The following TMEM229B variants were observed in gnomAD, a reference collection of about 807,000 sequenced individuals.
TMEM229B encodes the protein transmembrane protein 229B.
In TMEM229B, 6 loss-of-function variants were observed where a neutral mutation model predicts 13.7. That is an observed-to-expected ratio of 0.44 (90% CI 0.24 to 0.86). The LOEUF (loss-of-function observed/expected upper bound fraction) is 0.86, where lower values mean the gene tolerates loss of function less well. Among genes scored for constraint, TMEM229B ranks in the 40% least tolerant of loss-of-function variants. The probability of loss-of-function intolerance (pLI) is 0.23; values close to 1 mark genes in which losing one functional copy is unlikely to be tolerated. For missense variants in TMEM229B, 170 were observed against 236.0 expected, an observed-to-expected ratio of 0.72 and a Z score of 1.83; for synonymous variants, 107 against 102.1, an observed-to-expected ratio of 1.05 and a Z score of -0.29.
chr14:67,524,315 A>G (rs1277201592), intron 1 of TMEM229B, among the ~76,000 whole-genome samples: 2 of 152,118 alleles, frequency 1.3e-5, no homozygotes, highest in Non-Finnish European at 2.9e-5. Flanking sequence ...CTGGACCCCA[A>G]TCCCTGTCGT....
chr14:67,526,364 G>A (rs978444499), intron 1 of TMEM229B, among the ~76,000 whole-genome samples: 2 of 152,242 alleles, frequency 1.3e-5, no homozygotes, highest in African/African-American at 4.8e-5. Flanking sequence ...AACATGGGTA[G>A]GTAAGATGCC....
chr14:67,526,680 G>A (rs2033372227), intron 1 of TMEM229B, among the ~76,000 whole-genome samples: 1 of 152,126 alleles, frequency 6.6e-6, no homozygotes, highest in Non-Finnish European at 1.5e-5. Flanking sequence ...GATCAGAAGG[G>A]AATGGATCTG....
chr14:67,500,136 C>G (rs2032544857), intron 1 of TMEM229B, among the ~76,000 whole-genome samples: 1 of 152,050 alleles, frequency 6.6e-6, no homozygotes, highest in African/African-American at 2.4e-5. Flanking sequence ...TGCACTCCAG[C>G]CTGGGCAACA....
chr14:67,473,698 G>T lies in TMEM229B; in HGVS notation c.226C>A (p.Arg76Ser). The change falls in exon 3 of 3, where the codon CGC becomes AGC. Residue 76 changes from arginine (R) to serine (S), a missense_variant. Around this residue, in one of 4 missense-constraint regions of TMEM229B, gnomAD observed 57 missense variants for 66.7 expected, o/e 0.85. Transcript: ENST00000554480. The surrounding 1 kb of genome is among the most constrained non-coding windows in gnomAD (Gnocchi z 6.5). ...RLRGRCPLLL[R>S]CLIYTLWTYL... The stretch of plus-strand genomic sequence containing the variant: ...GTCCAGAGCGTGTAGATGAGGCAGC[G>T]CAGGAGCAGCGGGCAGCGGCCGCGC... The T allele has an allele frequency of 6.3e-7, 1 of 1,592,124 alleles. No homozygotes were observed. Among genetic ancestry groups the T allele is most frequent in the Non-Finnish European group, 8.5e-7 (1 of 1,169,594 alleles).
At chr14:67,481,765 T>A (rs1609998) in intron 2 of TMEM229B, among the ~76,000 whole-genome samples, 1 of 151,792 alleles carries the variant, frequency 6.6e-6, no homozygotes, top group African/African-American at 2.4e-5. Context: ...ACTCCCTATA[T>A]CCTTAGGCTC....
chr14:67,473,219 C>T lies in TMEM229B; in HGVS notation c.*201G>A. 1 of 671,928 alleles carries T rather than the reference C, an allele frequency of 1.5e-6. No individual in the cohort carries two copies. The highest frequency in any genetic ancestry group is 2.5e-6 in the Non-Finnish European group (1 of 406,478). 41.6% of individuals were successfully genotyped at this position (671,928 alleles called of 1,614,324 possible). On this transcript the variant is annotated 3_prime_UTR_variant, in exon 3 of 3. Transcript: ENST00000554480. The surrounding 1 kb of genome is among the most constrained non-coding windows in gnomAD (Gnocchi z 6.5). ...GACCCTTCCCAATGTCCCTCTGCTGCCTCCACACCCCATCCCCCAACACCT... is the reference window on the plus strand; with the variant it reads ...GACCCTTCCCAATGTCCCTCTGCTGTCTCCACACCCCATCCCCCAACACCT...
intron 2 of TMEM229B, among the ~76,000 whole-genome samples, chr14:67,478,917 A>G (rs1308769909): frequency 2.6e-5 from 4 of 152,228 alleles, no homozygotes; most frequent in Admixed American, 6.5e-5. Flanking sequence ...AAGAGAAAAA[A>G]GCAGGATTCA....
chr14:67,519,607 A>G (rs1396327836), upstream of TMEM229B, among the ~76,000 whole-genome samples: 1 of 152,220 alleles, frequency 6.6e-6, no homozygotes, highest in Non-Finnish European at 1.5e-5. Flanking sequence ...GACTGTTACT[A>G]CAAGAAGGGA....
chr14:67,504,261 A>C (rs2032732691), intron 1 of TMEM229B, among the ~76,000 whole-genome samples: 1 of 143,772 alleles, frequency 7.0e-6, no homozygotes, highest in Non-Finnish European at 1.5e-5. Context: ...TGATGCGCTT[A>C]CCTCAGCCTC....
At chr14:67,504,873 C>T (rs1302914120) in intron 1 of TMEM229B, among the ~76,000 whole-genome samples, 1 of 152,044 alleles carries the variant, frequency 6.6e-6, no homozygotes, top group Non-Finnish European at 1.5e-5. Context: ...GCAACAAGAG[C>T]GACACTCCGT....
intron 2 of TMEM229B, among the ~76,000 whole-genome samples, chr14:67,482,249 T>C (rs1333701807): frequency 1.3e-5 from 2 of 152,056 alleles, no homozygotes; most frequent in Non-Finnish European, 2.9e-5. Flanking sequence ...TTCCACAGGG[T>C]GGCAGGGGAC....
At chr14:67,493,081 C>T (rs1241644457), upstream of TMEM229B, among the ~76,000 whole-genome samples, 1 of 152,176 alleles carries the variant, frequency 6.6e-6, no homozygotes, top group Non-Finnish European at 1.5e-5. Flanking sequence ...TTGGGAAAAG[C>T]ATTCCAGGCA....
At chr14:67,477,239 C>G (rs2031273266) in intron 2 of TMEM229B, among the ~76,000 whole-genome samples, 1 of 152,134 alleles carries the variant, frequency 6.6e-6, no homozygotes, top group African/African-American at 2.4e-5. Context: ...GCCTGCCATT[C>G]AAGATTCTTC....
intron 1 of TMEM229B, among the ~76,000 whole-genome samples, chr14:67,502,348 GA>G (rs200778251): frequency 3.6e-5 from 5 of 138,268 alleles, no homozygotes; most frequent in African/African-American, 1.1e-4. Flanking sequence ...AGAAAAGAAA[GA>G]AAAAAAAAGA....
chr14:67,494,762 G>A (rs76593873), intron 1 of TMEM229B, among the ~76,000 whole-genome samples: 4,445 of 152,234 alleles, frequency 0.029, 248 homozygotes, highest in East Asian at 0.22. Flanking sequence ...AACACAGAAC[G>A]AAGGCTCGCC....
chr14:67,513,815 C>G (rs1345547458), intron 1 of TMEM229B, among the ~76,000 whole-genome samples: 2 of 152,182 alleles, frequency 1.3e-5, no homozygotes, highest in African/African-American at 2.4e-5. Context: ...AAAGGGCTAT[C>G]CTGCCACAGG....
chr14:67,479,880 A>T (rs760330183), intron 2 of TMEM229B, among the ~76,000 whole-genome samples: 1 of 152,160 alleles, frequency 6.6e-6, no homozygotes, highest in Non-Finnish European at 1.5e-5. Context: ...TCCAACAACA[A>T]ACCATGCCTC....
rs558648074 is a variant in TMEM229B, at chr14:67,473,093, G to T, written c.*327C>A. 3.1e-6 allele frequency: 1 copy of T among 319,406 alleles called. No individual in the cohort carries two copies. Among genetic ancestry groups the T allele is most frequent in the Non-Finnish European group, 5.9e-6 (1 of 168,990 alleles). 19.8% of individuals were successfully genotyped at this position (319,406 alleles called of 1,614,324 possible). A position where few individuals can be genotyped will look rare whatever the true frequency, so the allele number is the denominator to read the frequency against. ...GCGGCCCCATTCTCATTGTCCCTTG[G>T]CCAGGACAGGGCCTGCTGCTTCCAA... is the stretch of plus-strand genomic sequence containing the variant. On this transcript the variant is annotated 3_prime_UTR_variant, in exon 3 of 3. Transcript: ENST00000554480. The surrounding 1 kb of genome is among the most constrained non-coding windows in gnomAD (Gnocchi z 6.5).
upstream of TMEM229B, among the ~76,000 whole-genome samples, chr14:67,520,367 C>G (rs1375863692): frequency 6.6e-6 from 1 of 152,238 alleles, no homozygotes; most frequent in Non-Finnish European, 1.5e-5. Context: ...CCCCTGGCAA[C>G]CACTGTTCTT....
Sources: allele counts gnomAD v4.1 joint callset (sites outside exome capture counted in the v4.1 genomes callset), GRCh38; gene constraint gnomAD v4.1.1; regional missense constraint gnomAD v4.1.1; non-coding constraint Gnocchi (gnomAD v3.1); transcripts MANE v1.5; gene names NCBI Gene and HGNC (gene_info 2026-07-23, HGNC 2026-07-21).